The following C20orf203 variants were observed in gnomAD, a reference collection of about 807,000 sequenced individuals.
C20orf203 encodes the protein uncharacterized protein C20orf203.
Under a neutral mutation model 15.9 loss-of-function variants are expected in C20orf203, and 16 were observed. The ratio of observed to expected loss-of-function variants is 1.01; its 90% CI spans 0.68 to 1.53. C20orf203 has a LOEUF of 1.53. Ranked by LOEUF, C20orf203 falls within the 40% of genes most tolerant of loss-of-function variation. C20orf203 has a pLI of 0.00. For synonymous variants in C20orf203, 98 were observed against 97.2 expected, an observed-to-expected ratio of 1.01 and a Z score of -0.05; for missense variants, 263 against 247.5, an observed-to-expected ratio of 1.06 and a Z score of -0.42.
chr20:32,670,790 C>A (rs562591884), intron 1 of C20orf203, among the ~76,000 whole-genome samples: 78 of 152,002 alleles, frequency 5.1e-4, no homozygotes, highest in African/African-American at 1.8e-3. Context: ...CAAGATCTCA[C>A]CATTGCATTC....
rs540765718 is a variant in C20orf203, at chr20:32,668,745, C to T, written c.-264+4887G>A. On this transcript the variant is annotated intron_variant, in intron 1 of 5. Transcript: ENST00000608990. ...GGCTGAGGTAGGAGAATTGCTTGAA[C>T]TCGGGAGGTTGCAGTGAGCCAAGAT... Among the ~76,000 whole-genome samples the T allele has an allele frequency of 1.4e-4, 22 of 152,138 alleles. No individual in the cohort carries two copies. The East Asian group carries it at 4.1e-3, about 28-fold the overall frequency.
At chr20:32,655,575 C>A (rs2145675302) in intron 1 of C20orf203, among the ~76,000 whole-genome samples, 1 of 152,172 alleles carries the variant, frequency 6.6e-6, no homozygotes, top group Non-Finnish European at 1.5e-5. Flanking sequence ...GGCAGATCAC[C>A]TGAGGTCATG....
At chr20:32,648,860 A>G (rs1287598445) in intron 4 of C20orf203, among the ~76,000 whole-genome samples, 1 of 152,014 alleles carries the variant, frequency 6.6e-6, no homozygotes, top group Non-Finnish European at 1.5e-5. Context: ...TCTTATGTCA[A>G]CCTATTACCT....
At chr20:32,668,154 A>C (rs776883293) in intron 1 of C20orf203, among the ~76,000 whole-genome samples, 50 of 152,256 alleles carry the variant, frequency 3.3e-4, no homozygotes, top group East Asian at 1.3e-3. Flanking sequence ...TCTTGGGATG[A>C]CTGGGAGGGG....
rs1982613960 is a variant in C20orf203, at chr20:32,651,183, A to T, written c.-14-17T>A. 1 of 535,516 alleles carries T rather than the reference A, an allele frequency of 1.9e-6. No homozygotes were observed. The highest frequency in any genetic ancestry group is 3.1e-6 in the Non-Finnish European group (1 of 321,528). The allele number at this position is 535,516 out of a possible 1,614,324, so 33.2% of individuals were successfully genotyped here. ...ACCCTCTCTCTAAAAAAAAAAAAAAAAAAAAAAAAATTAGCTGGGTGTGTT... is the reference window on the plus strand; with the variant it reads ...ACCCTCTCTCTAAAAAAAAAAAAAATAAAAAAAAAATTAGCTGGGTGTGTT... On this transcript the variant is annotated splice_polypyrimidine_tract_variant and intron_variant, in intron 2 of 5. Coordinates refer to ENST00000608990, the MANE Select transcript of C20orf203 (RefSeq NM_182584.4).
rs1194729423 is a variant in C20orf203 at position 32,632,116 on chromosome 20, G to C, written c.*3454C>G. ...CCCCAGGGCTTAGGCAGGATGCCGCGTGGAACCCAGAGCAGTCTCCCCAGC... is the reference window on the plus strand; with the variant it reads ...CCCCAGGGCTTAGGCAGGATGCCGCCTGGAACCCAGAGCAGTCTCCCCAGC... On this transcript the variant is annotated 3_prime_UTR_variant, in exon 6 of 6. Coordinates refer to ENST00000608990, the MANE Select transcript of C20orf203 (RefSeq NM_182584.4). 1 of 152,260 alleles carries C rather than the reference G, an allele frequency of 6.6e-6. No homozygotes were observed. The highest frequency in any genetic ancestry group is 1.5e-5 in the Non-Finnish European group (1 of 68,082). 9.4% of individuals were successfully genotyped at this position (152,260 alleles called of 1,614,324 possible). A position where few individuals can be genotyped will look rare whatever the true frequency, so the allele number is the denominator to read the frequency against.
chr20:32,653,107 G>A (rs1982678649), intron 1 of C20orf203, among the ~76,000 whole-genome samples: 1 of 152,202 alleles, frequency 6.6e-6, no homozygotes, highest in South Asian at 2.1e-4. Context: ...GCCCTCTGGT[G>A]GCTCCTCTGG....
At chr20:32,665,740 T>G (rs987320831) in intron 1 of C20orf203, among the ~76,000 whole-genome samples, 1 of 151,512 alleles carries the variant, frequency 6.6e-6, no homozygotes, top group Admixed American at 6.6e-5. Context: ...CCAAGGAGGG[T>G]GGATCACGAG....
intron 4 of C20orf203, among the ~76,000 whole-genome samples, chr20:32,647,522 AG>A (rs1281767891): frequency 1.3e-5 from 2 of 152,088 alleles, no homozygotes; most frequent in Non-Finnish European, 2.9e-5. Flanking sequence ...TGGGCAACAT[AG>A]TAAGACCCTG....
intron 1 of C20orf203, among the ~76,000 whole-genome samples, chr20:32,664,638 A>G (rs1982975278): frequency 6.6e-6 from 1 of 152,218 alleles, no homozygotes; most frequent in Non-Finnish European, 1.5e-5. Flanking sequence ...CCTCAGCGTG[A>G]GAAGAGAGGA....
chr20:32,664,192 C>A (rs1481287087), intron 1 of C20orf203, among the ~76,000 whole-genome samples: 1 of 152,178 alleles, frequency 6.6e-6, no homozygotes, highest in Non-Finnish European at 1.5e-5. Context: ...GAGGTGAGGG[C>A]CCTGGGTGCT....
At chr20:32,646,141 T>A (rs867551985) in intron 4 of C20orf203, among the ~76,000 whole-genome samples, 41 of 149,594 alleles carry the variant, frequency 2.7e-4, no homozygotes, top group African/African-American at 9.8e-4. Flanking sequence ...AGTATGAGGA[T>A]TTTTTTTTTG....
intron 4 of C20orf203, 124 bp from the exon 5 acceptor site, chr20:32,640,811 C>G (rs566997391): frequency 2.6e-5 from 4 of 152,372 alleles, no homozygotes; most frequent in South Asian, 4.1e-4. Flanking sequence ...CAGAACCCCC[C>G]TCTCCAGACC....
At chr20:32,661,241 C>T (rs1345294814) in intron 1 of C20orf203, among the ~76,000 whole-genome samples, 1 of 152,216 alleles carries the variant, frequency 6.6e-6, no homozygotes, top group African/African-American at 2.4e-5. Context: ...AGGTGCCAGG[C>T]TCTTTGCCGG....
chr20:32,673,172 GC>G (rs1028575631), intron 1 of C20orf203, among the ~76,000 whole-genome samples: 2 of 152,158 alleles, frequency 1.3e-5, no homozygotes, highest in African/African-American at 4.8e-5. Flanking sequence ...CGACAAGCCC[GC>G]CCTCCTGAGG....
chr20:32,660,514 AG>A (rs1982867147), intron 1 of C20orf203, among the ~76,000 whole-genome samples: 1 of 152,226 alleles, frequency 6.6e-6, no homozygotes, highest in Non-Finnish European at 1.5e-5. Context: ...ATGACCTGCC[AG>A]GCACTGACTG....
At chr20:32,650,977 G>T (rs1324847832) in intron 3 of C20orf203, 41 bp downstream of exon 3, 17 of 1,448,610 alleles carry the variant, frequency 1.2e-5, no homozygotes, top group East Asian at 2.5e-5. Flanking sequence ...ACAGTCCCCA[G>T]TGTCAGCCCA....
intron 1 of C20orf203, among the ~76,000 whole-genome samples, chr20:32,658,239 C>T (rs1286491354): frequency 6.6e-6 from 1 of 152,044 alleles, no homozygotes; most frequent in Non-Finnish European, 1.5e-5. Flanking sequence ...AATAGGATTC[C>T]ATTCTTATGA....
chr20:32,646,333 G>A (rs1982432133), intron 4 of C20orf203, among the ~76,000 whole-genome samples: 1 of 152,040 alleles, frequency 6.6e-6, no homozygotes, highest in Non-Finnish European at 1.5e-5. Flanking sequence ...AACCTCCCGA[G>A]TAGCTGGGAT....
Sources: allele counts gnomAD v4.1 joint callset (sites outside exome capture counted in the v4.1 genomes callset), GRCh38; gene constraint gnomAD v4.1.1; transcripts MANE v1.5; gene names NCBI Gene and HGNC (gene_info 2026-07-23, HGNC 2026-07-21).